The following PDE8A variants were observed in gnomAD, a reference collection of about 807,000 sequenced individuals.
PDE8A encodes phosphodiesterase 8A.
A neutral mutation model predicts 105.0 loss-of-function variants in PDE8A; 59 were observed. The observed-to-expected ratio is 0.56, with a 90% confidence interval of 0.46 to 0.70. The LOEUF (loss-of-function observed/expected upper bound fraction) is 0.70, where lower values mean the gene tolerates loss of function less well. PDE8A is among the 30% of genes least tolerant of loss of function. The pLI is 0.00. For missense variants in PDE8A, 1,014 were observed against 1,045.9 expected (o/e 0.97, Z 0.42); for synonymous variants, 355 against 371.9 (o/e 0.95, Z 0.52).
intron 8 of PDE8A, among the ~76,000 whole-genome samples, chr15:85,097,273 C>T (rs955675408): frequency 1.2e-4 from 18 of 152,264 alleles, no homozygotes; most frequent in Admixed American, 8.5e-4. Context: ...CACCACAGCC[C>T]GGTTCTCTTG....
In PDE8A at chr15:84,981,946, C is replaced by T. The variant is rs1453071117; in HGVS notation, c.-217C>T. On this transcript the variant is annotated 5_prime_UTR_variant, in exon 1 of 22. Coordinates refer to ENST00000394553, the MANE Select transcript of PDE8A (RefSeq NM_002605.3). ...CGGAGGGGCGGCCTCGGCACGCCAC[C>T]CGCCTAAGCGCCCCCTTCCCACCGC... The T allele has an allele frequency of 3.7e-6, 1 of 273,194 alleles. No homozygotes were observed. Among genetic ancestry groups the T allele is most frequent in the Non-Finnish European group, 6.8e-6 (1 of 147,482 alleles). The allele number at this position is 273,194 out of a possible 1,614,324, so 16.9% of individuals were successfully genotyped here. A position where few individuals can be genotyped will look rare whatever the true frequency, so the allele number is the denominator to read the frequency against.
rs2082168138 is a variant in PDE8A, at chr15:85,120,766, C to A, written c.1735-31C>A. 5.5e-6 allele frequency: 8 copies of A among 1,442,024 alleles called. No homozygotes were observed. In the South Asian group the frequency reaches 7.5e-5, roughly 14 times the overall value. 89.3% of individuals were successfully genotyped at this position (1,442,024 alleles called of 1,614,324 possible). ...AGGCTTCCTTGCCTTCAGTGTCATA[C>A]CCCAGTTTTTAAAAGCTCTCTTGTT... On this transcript the variant is annotated intron_variant, in intron 17 of 21. Transcript: ENST00000394553.
intron 21 of PDE8A, among the ~76,000 whole-genome samples, chr15:85,137,263 C>T (rs923959150): frequency 6.6e-6 from 1 of 152,194 alleles, no homozygotes; most frequent in East Asian, 1.9e-4. Flanking sequence ...GGGAGAAGGA[C>T]TGAAGCAGTG....
At chr15:85,125,622 C>CT (rs2082247061) in intron 19 of PDE8A, among the ~76,000 whole-genome samples, 1 of 152,122 alleles carries the variant, frequency 6.6e-6, no homozygotes, top group African/African-American at 2.4e-5. Context: ...ACTTTTCATG[C>CT]TTACCATTAG....
chr15:85,081,175 C>A (rs1353014426), intron 5 of PDE8A, among the ~76,000 whole-genome samples: 1 of 152,182 alleles, frequency 6.6e-6, no homozygotes, highest in Non-Finnish European at 1.5e-5. Context: ...ATAATGATAT[C>A]TCTGGTACAG....
Position 85,126,289 on chromosome 15 carries a change from A to C in PDE8A, c.2168A>C (p.Lys723Thr). 6.2e-7 allele frequency: 1 copy of C among 1,613,128 alleles called. No individual in the cohort carries two copies. Among genetic ancestry groups the C allele is most frequent in the Non-Finnish European group, 8.5e-7 (1 of 1,179,494 alleles). Reference protein sequence around the residue: ...NRTLIKRMLIKCADVSNPCRP... With the variant: ...NRTLIKRMLITCADVSNPCRP... ...ACCCTAATCAAACGAATGCTGATTA[A>C]ATGTGCTGATGTGTCCAATCCCTGC... is the stretch of plus-strand genomic sequence containing the variant. The change falls in exon 20 of 22, where the codon AAA becomes ACA. Residue 723 changes from lysine to threonine, a missense_variant. By Grantham distance (78) the Lys-to-Thr change is moderately conservative. Coordinates refer to ENST00000394553, the MANE Select transcript of PDE8A (RefSeq NM_002605.3).
intron 1 of PDE8A, among the ~76,000 whole-genome samples, chr15:85,025,521 A>G (rs912028528): frequency 1.3e-5 from 2 of 152,168 alleles, no homozygotes; most frequent in Admixed American, 6.5e-5. Flanking sequence ...AACCAATTAC[A>G]CTTAAATTCT....
chr15:85,117,148 T>C (rs1293567374), intron 16 of PDE8A, among the ~76,000 whole-genome samples: 1 of 151,916 alleles, frequency 6.6e-6, no homozygotes, highest in South Asian at 2.1e-4. Flanking sequence ...TCCAGAAAGG[T>C]GGGTGTTGAG....
At chr15:84,999,551 T>G (rs112126305) in intron 1 of PDE8A, among the ~76,000 whole-genome samples, 1 of 150,830 alleles carries the variant, frequency 6.6e-6, no homozygotes, top group Non-Finnish European at 1.5e-5. Flanking sequence ...GCCTCCCTTT[T>G]TTGTTGTTGT....
intron 5 of PDE8A, among the ~76,000 whole-genome samples, chr15:85,078,329 C>T (rs763824163): frequency 2.0e-5 from 3 of 151,688 alleles, no homozygotes; most frequent in East Asian, 1.9e-4. Flanking sequence ...GGGCAGATCA[C>T]GAGGTCAGGA....
intron 1 of PDE8A, among the ~76,000 whole-genome samples, chr15:85,037,088 G>A (rs564831798): frequency 6.7e-6 from 1 of 149,014 alleles, no homozygotes; most frequent in Non-Finnish European, 1.5e-5. Context: ...TTTTGGAGAC[G>A]GAGTTTCTCT....
At chr15:84,997,304 C>T (rs2079995447) in intron 1 of PDE8A, among the ~76,000 whole-genome samples, 1 of 151,966 alleles carries the variant, frequency 6.6e-6, no homozygotes, top group South Asian at 2.1e-4. Context: ...AGTGATCCTC[C>T]CACCTTAGCC....
chr15:85,111,620 C>G (rs1176431418), intron 12 of PDE8A, among the ~76,000 whole-genome samples: 1 of 152,170 alleles, frequency 6.6e-6, no homozygotes. Context: ...ATATCTGATA[C>G]CTGGTAGTAG....
At chr15:85,003,295 T>C (rs926499245) in intron 1 of PDE8A, among the ~76,000 whole-genome samples, 2 of 152,336 alleles carry the variant, frequency 1.3e-5, no homozygotes, top group South Asian at 2.1e-4. Flanking sequence ...CAGGAAACAA[T>C]GTCCATCAGT....
intron 18 of PDE8A, among the ~76,000 whole-genome samples, chr15:85,121,985 G>T (rs1184265197): frequency 6.6e-6 from 1 of 152,144 alleles, no homozygotes; most frequent in Non-Finnish European, 1.5e-5. Flanking sequence ...GATATCTTGA[G>T]CTCTTAGAGA....
rs1004390445 is a variant in PDE8A at position 84,981,906 on chromosome 15, CA to C, written c.-256del. Reference sequence around the variant, plus strand: ...GAGAGGCGGCCGTCGGCTCCTGCCTCAGGAAGGGCATGTTCGGAGGGGCGGC... The same window carrying C: ...GAGAGGCGGCCGTCGGCTCCTGCCTCGGAAGGGCATGTTCGGAGGGGCGGC... On this transcript the variant is annotated 5_prime_UTR_variant, in exon 1 of 22. Transcript: ENST00000394553. The C allele has an allele frequency of 8.2e-6, 2 of 242,920 alleles. No individual in the cohort carries two copies. Among genetic ancestry groups the C allele is most frequent in the African/African-American group, 4.6e-5 (2 of 43,824 alleles). 15.0% of individuals were successfully genotyped at this position (242,920 alleles called of 1,614,324 possible). A position where few individuals can be genotyped will look rare whatever the true frequency, so the allele number is the denominator to read the frequency against.
At chr15:85,113,247 G>A (rs2082044690) in intron 12 of PDE8A, 130 bp from the exon 13 acceptor site, 6 of 771,740 alleles carry the variant, frequency 7.8e-6, no homozygotes, top group Admixed American at 7.3e-5. Flanking sequence ...TGTTAGGATG[G>A]GAAGGAAGCT....
chr15:85,014,667 T>C (rs1211379534), intron 1 of PDE8A, among the ~76,000 whole-genome samples: 10 of 152,202 alleles, frequency 6.6e-5, no homozygotes, highest in Admixed American at 2.6e-4. Context: ...TTTAGAGAAA[T>C]GGTGGCATAC....
chr15:85,088,048 A>G (rs1223740037), intron 6 of PDE8A, among the ~76,000 whole-genome samples: 2 of 152,160 alleles, frequency 1.3e-5, no homozygotes, highest in Non-Finnish European at 2.9e-5. Flanking sequence ...GAACATTTTT[A>G]TTATCCCCAG....
Sources: allele counts gnomAD v4.1 joint callset (sites outside exome capture counted in the v4.1 genomes callset), GRCh38; gene constraint gnomAD v4.1.1; transcripts MANE v1.5; gene names NCBI Gene and HGNC (gene_info 2026-07-23, HGNC 2026-07-21).